Variants in SPAG17 observed in about 807,000 individuals in gnomAD.
SPAG17 encodes sperm associated antigen 17.
Under a neutral mutation model 273.6 loss-of-function variants are expected in SPAG17, and 169 were observed. The ratio of observed to expected loss-of-function variants is 0.62; its 90% CI spans 0.55 to 0.70. The LOEUF (loss-of-function observed/expected upper bound fraction) is 0.70, where lower values mean the gene tolerates loss of function less well. Among genes scored for constraint, SPAG17 ranks in the 30% least tolerant of loss-of-function variants. The pLI is 0.00. For missense variants in SPAG17, 2,557 were observed against 2,627.8 expected, an observed-to-expected ratio of 0.97 and a Z score of 0.59; for synonymous variants, 825 against 873.2, an observed-to-expected ratio of 0.94 and a Z score of 0.97.
intron 17 of SPAG17, among the ~76,000 whole-genome samples, chr1:118,068,493 G>T (rs1233923573): frequency 6.6e-6 from 1 of 152,004 alleles, no homozygotes; most frequent in East Asian, 1.9e-4. Flanking sequence ...TAAGAGCTTT[G>T]AAATCTTTGG....
intron 43 of SPAG17, among the ~76,000 whole-genome samples, chr1:117,976,250 T>A (rs557137746): frequency 2.9e-4 from 44 of 152,324 alleles, no homozygotes; most frequent in African/African-American, 1.1e-3. Context: ...AGTGGCTGAT[T>A]ACCAGCTGAC....
In SPAG17 at chr1:118,079,864, GTGTTAAATTTGGTGTTGTTTAATA is replaced by G. The variant is rs554255954; in HGVS notation, c.2209+1213_2209+1236del. Among the ~76,000 whole-genome samples, 91 of 152,112 alleles carry G rather than the reference GTGTTAAATTTGGTGTTGTTTAATA, an allele frequency of 6.0e-4. 1 individual carries two copies. In the South Asian group the frequency reaches 0.018, roughly 30 times the overall value. ...CTATTGTAATTTTTCCTTGACCTAGGTGTTAAATTTGGTGTTGTTTAATATGTTAAATTTGGTGTTGTTTAATGT... is the reference window on the plus strand; with the variant it reads ...CTATTGTAATTTTTCCTTGACCTAGGTGTTAAATTTGGTGTTGTTTAATGT... On this transcript the variant is annotated intron_variant, in intron 15 of 48. Transcript: ENST00000336338.
chr1:118,178,045 G>A (rs991738241), intron 1 of SPAG17, among the ~76,000 whole-genome samples: 5 of 152,004 alleles, frequency 3.3e-5, no homozygotes, highest in Non-Finnish European at 7.4e-5. Flanking sequence ...GAGAAAAAGA[G>A]AATACTTCCA....
chr1:118,051,101 AAAAG>A (rs1380324157), intron 20 of SPAG17, among the ~76,000 whole-genome samples: 2 of 152,196 alleles, frequency 1.3e-5, no homozygotes, highest in African/African-American at 2.4e-5. Flanking sequence ...GACATTTCTC[AAAAG>A]AAGGCTTACA....
At chr1:118,069,372 T>TGGTGC (rs1474719349) in intron 17 of SPAG17, among the ~76,000 whole-genome samples, 1 of 76,926 alleles carries the variant, frequency 1.3e-5, no homozygotes, top group African/African-American at 5.7e-5. Flanking sequence ...GTGGTAGCTG[T>TGGTGC]GGTGCAGAAG....
At chr1:118,153,345 T>A (rs934694733) in intron 1 of SPAG17, among the ~76,000 whole-genome samples, 2 of 152,196 alleles carry the variant, frequency 1.3e-5, no homozygotes, top group African/African-American at 4.8e-5. Context: ...GTTAAATGAC[T>A]TGTTCAAGGT....
chr1:118,125,328 C>T lies in SPAG17; in HGVS notation c.316-9887G>A, dbSNP rs570027632. 1.8e-3 allele frequency among the ~76,000 whole-genome samples: 271 copies of T among 151,776 alleles called. 2 individuals carry two copies. Among genetic ancestry groups the T allele is most frequent in the African/African-American group, 6.4e-3 (265 of 41,314 alleles). On this transcript the variant is annotated intron_variant, in intron 3 of 48. Transcript: ENST00000336338. ...TGTGTAGAGTGTGTAATGATTAAAT[C>T]AGGGTAATTAGCATATCTATCACCT...
At chr1:117,966,545 GT>G in intron 47 of SPAG17, 63 bp downstream of exon 47, 1 of 1,380,406 alleles carries the variant, frequency 7.2e-7, no homozygotes, top group South Asian at 1.8e-5. Context: ...TGACTTCCAT[GT>G]TTTCCTCACT....
intron 1 of SPAG17, among the ~76,000 whole-genome samples, chr1:118,176,833 G>T (rs1055829557): frequency 6.6e-6 from 1 of 152,018 alleles, no homozygotes; most frequent in Non-Finnish European, 1.5e-5. Flanking sequence ...TAAAAAGAGT[G>T]GAAATCATAT....
intron 3 of SPAG17, among the ~76,000 whole-genome samples, chr1:118,126,003 T>C (rs1205199268): frequency 6.6e-6 from 1 of 151,386 alleles, no homozygotes; most frequent in South Asian, 2.1e-4. Context: ...GTCTATGAGT[T>C]CCTTTTTCTT....
intron 1 of SPAG17, among the ~76,000 whole-genome samples, chr1:118,152,072 C>T (rs1659418036): frequency 6.6e-6 from 1 of 152,210 alleles, no homozygotes; most frequent in African/African-American, 2.4e-5. Flanking sequence ...ACATTACCAA[C>T]TGTGAGATGC....
chr1:118,035,284 GA>G, intron 24 of SPAG17, among the ~76,000 whole-genome samples: 1 of 152,246 alleles, frequency 6.6e-6, no homozygotes, highest in African/African-American at 2.4e-5. Flanking sequence ...AAAATGGACT[GA>G]TTACATATTA....
chr1:118,133,621 A>T (rs912014072), intron 3 of SPAG17, among the ~76,000 whole-genome samples: 1 of 152,120 alleles, frequency 6.6e-6, no homozygotes. Context: ...AGACTTCCTC[A>T]TCTGGGATCA....
At chr1:118,040,530 C>A (rs1046693348) in intron 22 of SPAG17, among the ~76,000 whole-genome samples, 200 bp downstream of exon 22, 1 of 152,120 alleles carries the variant, frequency 6.6e-6, no homozygotes, top group Non-Finnish European at 1.5e-5. Context: ...ACCAGCTAAA[C>A]CCTTGACTGG....
intron 13 of SPAG17, among the ~76,000 whole-genome samples, chr1:118,082,239 C>T (rs757823929): frequency 5.3e-5 from 8 of 152,094 alleles, no homozygotes; most frequent in African/African-American, 1.4e-4. Flanking sequence ...TTATTTTCTA[C>T]GTATTAGGCT....
chr1:118,127,603 G>A (rs1657812364), intron 3 of SPAG17, among the ~76,000 whole-genome samples: 1 of 152,184 alleles, frequency 6.6e-6, no homozygotes, highest in South Asian at 2.1e-4. Context: ...TGATATTTGG[G>A]TAGGGACAAA....
At chr1:118,159,843 G>T (rs1243251997) in intron 1 of SPAG17, among the ~76,000 whole-genome samples, 1 of 152,098 alleles carries the variant, frequency 6.6e-6, no homozygotes, top group African/African-American at 2.4e-5. Context: ...ACTCCACAGA[G>T]AAACCACAGA....
intron 24 of SPAG17, among the ~76,000 whole-genome samples, chr1:118,035,803 G>A (rs77487344): frequency 0.013 from 1,961 of 152,242 alleles, 29 homozygotes; most frequent in Non-Finnish European, 0.022. Context: ...AAATGCATGG[G>A]AAGCCACAGA....
At chr1:118,014,998 T>C (rs1296535405) in intron 29 of SPAG17, among the ~76,000 whole-genome samples, 2 of 152,154 alleles carry the variant, frequency 1.3e-5, no homozygotes, top group Non-Finnish European at 1.5e-5. Context: ...TCCTGGTAGA[T>C]AGAGGGCCGG....
Sources: allele counts gnomAD v4.1 joint callset (sites outside exome capture counted in the v4.1 genomes callset), GRCh38; gene constraint gnomAD v4.1.1; transcripts MANE v1.5; gene names NCBI Gene and HGNC (gene_info 2026-07-23, HGNC 2026-07-21).